Variants in MYO7B observed in about 807,000 individuals in gnomAD.
MYO7B encodes the protein myosin VIIB, also known as unconventional myosin-VIIb.
In MYO7B, 212 loss-of-function variants were observed where a neutral mutation model predicts 259.7. That is an observed-to-expected ratio of 0.82 (90% CI 0.73 to 0.91). The LOEUF (loss-of-function observed/expected upper bound fraction) is 0.91, where lower values mean the gene tolerates loss of function less well. Ranked by LOEUF, MYO7B falls within the 40% of genes least tolerant of loss-of-function variation. The pLI is 0.00. For missense variants in MYO7B, 2,732 were observed against 2,813.5 expected (o/e 0.97, Z 0.66); for synonymous variants, 1,197 against 1,166.4 (o/e 1.03, Z -0.54).
rs1680926886 is a variant in MYO7B, at chr2:127,623,288, A to G, written c.3732A>G (p.Thr1244=). 6.2e-7 allele frequency: 1 copy of G among 1,613,474 alleles called. No homozygotes were observed. Among genetic ancestry groups the G allele is most frequent in the Non-Finnish European group, 8.5e-7 (1 of 1,179,734 alleles). The change falls in exon 29 of 48, where the codon ACA becomes ACG. Residue 1244 remains threonine, a synonymous_variant. Transcript: ENST00000409816. ...SLTVPVDSAS[T]SREMCMHIAH... ...CCGTCCCCGTGGACTCAGCCTCCAC[A>G]TCTCGGGAAATGTGCATGCACATCG...
intron 3 of MYO7B, among the ~76,000 whole-genome samples, chr2:127,564,859 T>C (rs1479049400): frequency 6.6e-6 from 1 of 152,222 alleles, no homozygotes; most frequent in African/African-American, 2.4e-5. Context: ...CTGTAGTTTT[T>C]TAAAAAAGCT....
chr2:127,576,292 G>A lies in MYO7B; in HGVS notation c.736-303G>A, dbSNP rs537567358. 1.4e-4 allele frequency among the ~76,000 whole-genome samples: 22 copies of A among 152,318 alleles called. No homozygotes were observed. The highest frequency in any genetic ancestry group is 5.3e-4 in the African/African-American group (22 of 41,566). ...GCCTGTGAAGACTGTGGGACTATAA[G>A]AGAGCCCCGACTCTGTGCCATCACT... On this transcript the variant is annotated intron_variant, in intron 7 of 47. Coordinates refer to ENST00000409816, the MANE Select transcript of MYO7B (RefSeq NM_001393586.1). The surrounding 1 kb of genome is among the most constrained non-coding windows in gnomAD (Gnocchi z 4.9).
rs1467804280 is a variant in MYO7B at position 127,609,263 on chromosome 2, G to A, written c.2815-243G>A. Among the ~76,000 whole-genome samples, 4 of 151,440 alleles carry A rather than the reference G, an allele frequency of 2.6e-5. No homozygotes were observed. Among genetic ancestry groups the A allele is most frequent in the East Asian group, 2.0e-4 (1 of 5,090 alleles). On this transcript the variant is annotated intron_variant, in intron 22 of 47. Coordinates refer to ENST00000409816, the MANE Select transcript of MYO7B (RefSeq NM_001393586.1). The surrounding 1 kb of genome is among the most constrained non-coding windows in gnomAD (Gnocchi z 6.9). ...GCGGCAGAGGACACAGTGTCTGAGCGTGGGGCCAGGAGGGGAGAGGGCAGG... is the reference window on the plus strand; with the variant it reads ...GCGGCAGAGGACACAGTGTCTGAGCATGGGGCCAGGAGGGGAGAGGGCAGG...
intron 24 of MYO7B, among the ~76,000 whole-genome samples, chr2:127,610,683 C>T (rs1015267043): frequency 1.3e-5 from 2 of 152,214 alleles, no homozygotes; most frequent in Non-Finnish European, 2.9e-5. Context: ...CTCAGTGGCC[C>T]GCCAGTGGCA....
intron 2 of MYO7B, among the ~76,000 whole-genome samples, chr2:127,563,486 C>T (rs1335237803): frequency 6.6e-6 from 1 of 152,168 alleles, no homozygotes. Context: ...CTTTTCCCAC[C>T]CCACAGAGAG....
intron 30 of MYO7B, among the ~76,000 whole-genome samples, chr2:127,624,806 A>G (rs1220575726): frequency 1.3e-5 from 2 of 152,158 alleles, no homozygotes; most frequent in African/African-American, 4.8e-5. Context: ...AAGCAGAGTG[A>G]TCGTACCCCT....
At position 127,625,591 on chromosome 2, in the gene MYO7B, G is replaced by A. The variant is rs1466805016; in HGVS notation, c.4215+56G>A. On this transcript the variant is annotated intron_variant, in intron 31 of 47. Coordinates refer to ENST00000409816, the MANE Select transcript of MYO7B (RefSeq NM_001393586.1). ...CGAGGGCTCTCCTTTGGGAGGTGGGGGGGCTCATGGTATACAGAGGAGATG... is the reference window on the plus strand; with the variant it reads ...CGAGGGCTCTCCTTTGGGAGGTGGGAGGGCTCATGGTATACAGAGGAGATG... The A allele has an allele frequency of 2.7e-6, 4 of 1,496,374 alleles. No homozygotes were observed. In the African/African-American group the frequency reaches 5.6e-5, roughly 21 times the overall value. 92.7% of individuals were successfully genotyped at this position (1,496,374 alleles called of 1,614,324 possible).
At position 127,608,722 on chromosome 2, in the gene MYO7B, C is replaced by T; in HGVS notation, c.2658C>T (p.Ile886=). 1.9e-6 allele frequency: 3 copies of T among 1,612,156 alleles called. No individual in the cohort carries two copies. The highest frequency in any genetic ancestry group is 2.5e-6 in the Non-Finnish European group (3 of 1,178,976). ...QQRKANAPLV[I]PAEGQKSQGA... ...GGGGTATGCAGGCGCCGCTGGTCATCCCGGCCGAGGGGCAGAAAAGCCAAG... is the reference window on the plus strand; with the variant it reads ...GGGGTATGCAGGCGCCGCTGGTCATTCCGGCCGAGGGGCAGAAAAGCCAAG... Residue 886 remains isoleucine (I), a synonymous_variant, in exon 22 of 48, where the codon ATC becomes ATT. Coordinates refer to ENST00000409816, the MANE Select transcript of MYO7B (RefSeq NM_001393586.1).
At chr2:127,623,752 A>T (rs188920635) in intron 29 of MYO7B, among the ~76,000 whole-genome samples, 3 of 151,972 alleles carry the variant, frequency 2.0e-5, no homozygotes, top group African/African-American at 7.3e-5. Context: ...ACCAGCACAG[A>T]CCCTCACCGC....
In MYO7B at chr2:127,627,312, T is replaced by C. The variant is rs1237347121; in HGVS notation, c.4460+2T>C. The C allele has an allele frequency of 6.2e-7, 1 of 1,607,294 alleles. No individual in the cohort carries two copies. The highest frequency in any genetic ancestry group is 8.5e-7 in the Non-Finnish European group (1 of 1,178,166). On this transcript the variant is annotated splice_donor_variant, in intron 33 of 47. Coordinates refer to ENST00000409816, the MANE Select transcript of MYO7B (RefSeq NM_001393586.1). LOFTEE classifies it high-confidence loss of function. This position sits in a 1 kb window ranked among gnomAD's most constrained non-coding sequence, Gnocchi z 5.6. Reference sequence around the variant, plus strand: ...GGTCATGGGTCTGGCCACCAACAGGTGCGGGCCCTGAGGGAAGATCTCTTC... The same window carrying C: ...GGTCATGGGTCTGGCCACCAACAGGCGCGGGCCCTGAGGGAAGATCTCTTC...
chr2:127,566,689 T>C lies in MYO7B; in HGVS notation c.332T>C (p.Leu111Pro). 1 of 1,606,974 alleles carries C rather than the reference T, an allele frequency of 6.2e-7. No individual in the cohort carries two copies. The highest frequency in any genetic ancestry group is 8.5e-7 in the Non-Finnish European group (1 of 1,177,454). ...ILVAVNPFQV[L>P]PLYTLEQVQL... ...GTGGCCGTCAACCCGTTCCAGGTGC[T>C]GCCGCTCTACACCCTGGAGCAGGTA... The change falls in exon 5 of 48, where the codon CTG (leucine) becomes CCG (proline). Residue 111 changes from leucine to proline, a missense_variant. Coordinates refer to ENST00000409816, the MANE Select transcript of MYO7B (RefSeq NM_001393586.1).
chr2:127,605,627 GTCA>G (rs1436350362), intron 19 of MYO7B, among the ~76,000 whole-genome samples: 20 of 152,126 alleles, frequency 1.3e-4, no homozygotes, highest in Admixed American at 1.3e-3. Context: ...ACACTGGACT[GTCA>G]TCATCCACAA....
At chr2:127,574,272 C>T (rs892523916) in intron 7 of MYO7B, among the ~76,000 whole-genome samples, 2 of 152,190 alleles carry the variant, frequency 1.3e-5, no homozygotes, top group Non-Finnish European at 2.9e-5. Context: ...TGGTGGCGCA[C>T]GCCTCTAATC....
Position 127,577,902 on chromosome 2 carries a change from A to T in MYO7B, c.850-231A>T, listed in dbSNP as rs966532562. On this transcript the variant is annotated intron_variant, in intron 8 of 47. Coordinates refer to ENST00000409816, the MANE Select transcript of MYO7B (RefSeq NM_001393586.1). This position sits in a 1 kb window ranked among gnomAD's most constrained non-coding sequence, Gnocchi z 5.2. ...AACGACAAATAGAGGATCAGAGAAG[A>T]AGTGTGACTTGGCCAAGGTCACACA... 5.9e-5 allele frequency among the ~76,000 whole-genome samples: 9 copies of T among 152,020 alleles called. No individual in the cohort carries two copies. The highest frequency in any genetic ancestry group is 2.0e-4 in the Admixed American group (3 of 15,284).
chr2:127,619,256 T>TGGG (rs1680722793), intron 26 of MYO7B, among the ~76,000 whole-genome samples: 1 of 85,232 alleles, frequency 1.2e-5, no homozygotes, highest in African/African-American at 4.9e-5. Flanking sequence ...GGTTGGGTTG[T>TGGG]GGCCAGTTGG....
chr2:127,612,837 T>A (rs1465500679), intron 26 of MYO7B, among the ~76,000 whole-genome samples: 1 of 152,228 alleles, frequency 6.6e-6, no homozygotes, highest in Non-Finnish European at 1.5e-5. Flanking sequence ...CATGGACCAG[T>A]GATTCCTTTT....
At chr2:127,617,869 T>C (rs1022531923) in intron 26 of MYO7B, among the ~76,000 whole-genome samples, 3 of 151,512 alleles carry the variant, frequency 2.0e-5, no homozygotes, top group Admixed American at 6.6e-5. Context: ...TTTTTTTTTT[T>C]GCTCCAGCAG....
chr2:127,606,149 T>A (rs1680151193), intron 20 of MYO7B, among the ~76,000 whole-genome samples: 1 of 152,190 alleles, frequency 6.6e-6, no homozygotes, highest in Non-Finnish European at 1.5e-5. Context: ...GGCTTCAAAA[T>A]GTTTTGCAGA....
At chr2:127,631,879 C>G in intron 38 of MYO7B, 126 bp downstream of exon 38, 1 of 1,280,868 alleles carries the variant, frequency 7.8e-7, no homozygotes, top group South Asian at 1.5e-5. Context: ...GGGCTCCTGC[C>G]TCAGCAGTGG....
Sources: gnomAD v4.1 joint callset for allele counts (sites outside exome capture counted in the v4.1 genomes callset) on GRCh38, gnomAD v4.1.1 for gene constraint, Gnocchi (gnomAD v3.1) non-coding constraint, MANE v1.5 for transcripts, NCBI Gene and HGNC (gene_info 2026-07-23, HGNC 2026-07-21) for gene names.